The following MTR variants were observed in gnomAD, a reference collection of about 807,000 sequenced individuals.
MTR encodes 5-methyltetrahydrofolate-homocysteine methyltransferase, also known as methionine synthase.
MTR carries 84 observed loss-of-function variants against 154.8 expected under a neutral mutation model. That is an observed-to-expected ratio of 0.54 (90% CI 0.45 to 0.65). The LOEUF (loss-of-function observed/expected upper bound fraction) is 0.65, where lower values mean the gene tolerates loss of function less well. Ranked by LOEUF, MTR falls within the 30% of genes least tolerant of loss-of-function variation. The pLI, the probability that MTR is intolerant of heterozygous loss-of-function variation, is 0.00. For missense variants in MTR, 1,275 were observed against 1,570.2 expected (o/e 0.81, Z 3.18); for synonymous variants, 554 against 553.9 (o/e 1.00, Z 0.00).
At chr1:236,813,144 A>C (rs751435709) in intron 6 of MTR, among the ~76,000 whole-genome samples, 7 of 150,512 alleles carry the variant, frequency 4.7e-5, no homozygotes, top group Non-Finnish European at 8.8e-5. Flanking sequence ...TGAAAGATAC[A>C]TAAATATATG....
rs1429955241 is a variant in MTR, at chr1:236,903,890, TG to T, written c.*6247del. ...TATCTTGGATTAAAAGAAAAGAAAA[TG>T]TATTTATTTTGTGCATATTTTCAAT... On this transcript the variant is annotated 3_prime_UTR_variant, in exon 33 of 33. Coordinates refer to ENST00000366577, the MANE Select transcript of MTR (RefSeq NM_000254.3). The T allele has an allele frequency of 6.6e-6, 1 of 152,142 alleles. No homozygotes were observed. Among genetic ancestry groups the T allele is most frequent in the Non-Finnish European group, 1.5e-5 (1 of 68,022 alleles). 9.4% of individuals were successfully genotyped at this position (152,142 alleles called of 1,614,324 possible). A position where few individuals can be genotyped will look rare whatever the true frequency, so the allele number is the denominator to read the frequency against.
chr1:236,813,371 G>T (rs1322338454), intron 6 of MTR, among the ~76,000 whole-genome samples: 2 of 152,192 alleles, frequency 1.3e-5, no homozygotes, highest in African/African-American at 2.4e-5. Flanking sequence ...TTTACACAGT[G>T]TATCTGTAGG....
At chr1:236,829,166 C>T (rs1408120413) in intron 11 of MTR, 23 bp from the exon 12 acceptor site, 1 of 1,567,290 alleles carries the variant, frequency 6.4e-7, no homozygotes, top group South Asian at 1.1e-5. Context: ...TTAATGGATA[C>T]AATGTTTCCT....
intron 15 of MTR, among the ~76,000 whole-genome samples, chr1:236,847,786 A>G (rs1039033566): frequency 6.6e-6 from 1 of 152,220 alleles, no homozygotes; most frequent in Non-Finnish European, 1.5e-5. Flanking sequence ...AAATCCCTCC[A>G]GGGTATTGTA....
chr1:236,844,963 T>C (rs1663484697), intron 15 of MTR, among the ~76,000 whole-genome samples: 1 of 152,194 alleles, frequency 6.6e-6, no homozygotes, highest in Admixed American at 6.5e-5. Context: ...TGGTCTGGGA[T>C]GAGGCCTGGC....
rs1169220676 is a variant in MTR, at chr1:236,885,154, G to T, written c.2710G>T (p.Glu904Ter). 2 of 1,609,660 alleles carry T rather than the reference G, an allele frequency of 1.2e-6. No homozygotes were observed. The highest frequency in any genetic ancestry group is 1.3e-5 in the African/African-American group (1 of 74,818). ...GCTGTTAGATGAAAATCTAAAGGAT[G>T]AATACTTTGAGGAAATCATGGAAGA... ...SQLLDENLKD[E>*]YFEEIMEEYE... Residue 904 changes from glutamate to a stop codon, truncating the protein, a stop_gained, in exon 26 of 33, where the codon GAA (glutamate) becomes TAA (stop). Transcript: ENST00000366577. LOFTEE classifies it high-confidence loss of function.
chr1:236,897,337 CACACACAT>C (rs528476789), intron 32 of MTR, among the ~76,000 whole-genome samples: 128 of 150,450 alleles, frequency 8.5e-4, no homozygotes, highest in East Asian at 8.2e-3. Context: ...CACACACACA[CACACACAT>C]ACAGCTTCTA....
intron 15 of MTR, among the ~76,000 whole-genome samples, chr1:236,840,785 T>A (rs1239583426): frequency 6.6e-6 from 1 of 152,200 alleles, no homozygotes; most frequent in African/African-American, 2.4e-5. Flanking sequence ...TGTTTCTAAT[T>A]TTTTAGTAGC....
At chr1:236,816,575 C>T in intron 8 of MTR, 32 bp downstream of exon 8, 6 of 1,584,886 alleles carry the variant, frequency 3.8e-6, no homozygotes, top group Non-Finnish European at 5.2e-6. Context: ...AACTTCTTTT[C>T]TTTTTTGGGG....
At position 236,873,783 on chromosome 1, in the gene MTR, T is replaced by C. The variant is rs1665273099; in HGVS notation, c.2416T>C (p.Leu806=). Residue 806 remains leucine (L), a synonymous_variant, in exon 23 of 33, where the codon TTA becomes CTA. Coordinates refer to ENST00000366577, the MANE Select transcript of MTR (RefSeq NM_000254.3). ...LGCNNFRVID[L]GVMTPCDKIL... ...ATTTCTGTGCCTCAGAGTTATTGAT[T>C]TAGGAGTCATGACTCCATGTGATAA... 6.2e-7 allele frequency: 1 copy of C among 1,613,706 alleles called. No homozygotes were observed. Among genetic ancestry groups the C allele is most frequent in the Admixed American group, 1.7e-5 (1 of 60,002 alleles).
rs144694022 is a variant in MTR, at chr1:236,822,001, T to G, written c.765-2118T>G. Among the ~76,000 whole-genome samples, 451 of 152,304 alleles carry G rather than the reference T, an allele frequency of 3.0e-3. 1 individual carries two copies. The highest frequency in any genetic ancestry group is 9.5e-3 in the African/African-American group (393 of 41,550). ...GAGTTGGGTAGGTCAGTCCTTCAACTTTTGTTTTTTCTCTCATTATTGTGT... is the reference window on the plus strand; with the variant it reads ...GAGTTGGGTAGGTCAGTCCTTCAACGTTTGTTTTTTCTCTCATTATTGTGT... On this transcript the variant is annotated intron_variant, in intron 8 of 32. Transcript: ENST00000366577.
intron 25 of MTR, 62 bp downstream of exon 25, chr1:236,880,898 G>A: frequency 6.9e-7 from 1 of 1,453,788 alleles, no homozygotes; most frequent in South Asian, 1.1e-5. Context: ...ACAAGTAAGG[G>A]TTTAACTTAA....
chr1:236,845,896 C>A (rs1663541675), intron 15 of MTR, among the ~76,000 whole-genome samples: 1 of 152,194 alleles, frequency 6.6e-6, no homozygotes, highest in Non-Finnish European at 1.5e-5. Flanking sequence ...CAGTTAAGAA[C>A]CGGGATTTGC....
At position 236,812,802 on chromosome 1, in the gene MTR, T is replaced by C. The variant is rs1661379169; in HGVS notation, c.567T>C (p.Asp189=). ...QAKGLLDGGV[D]ILLIETIFDT... ...AAGGACTTCTGGATGGCGGGGTTGA[T>C]ATCTTACTCATTGAAACTATTTTTG... Residue 189 remains aspartate, a synonymous_variant, in exon 6 of 33, where the codon GAT becomes GAC. Coordinates refer to ENST00000366577, the MANE Select transcript of MTR (RefSeq NM_000254.3). 2 of 1,614,126 alleles carry C rather than the reference T, an allele frequency of 1.2e-6. No homozygotes were observed. The highest frequency in any genetic ancestry group is 2.2e-5 in the East Asian group (1 of 44,878).
intron 8 of MTR, among the ~76,000 whole-genome samples, chr1:236,819,389 A>G (rs1661789056): frequency 6.6e-6 from 1 of 152,086 alleles, no homozygotes; most frequent in African/African-American, 2.4e-5. Flanking sequence ...TCACTTAGTG[A>G]TCTTCATTTA....
At position 236,850,449 on chromosome 1, in the gene MTR, C is replaced by G; in HGVS notation, c.1621C>G (p.Leu541Val). Residue 541 changes from leucine (L) to valine (V), a missense_variant, in exon 16 of 33, where the codon CTA becomes GTA. Physicochemically the swap from Leu to Val is conservative, Grantham distance 32. Transcript: ENST00000366577. Reference protein sequence around the residue: ...PNDIIFDPNILTIGTGMEEHN... With the variant: ...PNDIIFDPNIVTIGTGMEEHN... ...TGACATTATTTTTGACCCTAATATC[C>G]TAACCATTGGGACTGGAATGGAGGA... 1.2e-6 allele frequency: 2 copies of G among 1,613,740 alleles called. No individual in the cohort carries two copies. Among genetic ancestry groups the G allele is most frequent in the Non-Finnish European group, 1.7e-6 (2 of 1,179,906 alleles).
chr1:236,893,442 C>T (rs962254224), intron 29 of MTR, among the ~76,000 whole-genome samples: 1 of 152,108 alleles, frequency 6.6e-6, no homozygotes, highest in African/African-American at 2.4e-5. Context: ...GCCCCCTGGC[C>T]CCTCCCACTG....
At chr1:236,884,714 A>G (rs1665924194) in intron 25 of MTR, among the ~76,000 whole-genome samples, 1 of 152,126 alleles carries the variant, frequency 6.6e-6, no homozygotes, top group African/African-American at 2.4e-5. Flanking sequence ...CAGAATGCCC[A>G]TGTGTCTAGC....
intron 8 of MTR, among the ~76,000 whole-genome samples, chr1:236,818,198 T>C (rs1558283585): frequency 1.3e-5 from 2 of 152,206 alleles, no homozygotes; most frequent in African/African-American, 2.4e-5. Flanking sequence ...CCACAAAATA[T>C]ACAAAACCAA....
Sources: allele counts gnomAD v4.1 joint callset (sites outside exome capture counted in the v4.1 genomes callset), GRCh38; gene constraint gnomAD v4.1.1; transcripts MANE v1.5; gene names NCBI Gene and HGNC (gene_info 2026-07-23, HGNC 2026-07-21).